The following C12orf42 variants were observed in gnomAD, a reference collection of about 807,000 sequenced individuals.
C12orf42 encodes the protein uncharacterized protein C12orf42.
In C12orf42, 25 loss-of-function variants were observed where a neutral mutation model predicts 21.6. The observed-to-expected ratio is 1.16, with a 90% CI of 0.84 to 1.62. C12orf42 has a LOEUF of 1.62. Ranked by LOEUF, C12orf42 falls within the 40% of genes most tolerant of loss-of-function variation. The pLI is 0.00. For missense variants in C12orf42, 483 were observed against 459.3 expected, an observed-to-expected ratio of 1.05 and a Z score of -0.47; for synonymous variants, 174 against 175.0, an observed-to-expected ratio of 0.99 and a Z score of 0.05.
the C12orf42 span, among the ~76,000 whole-genome samples, chr12:103,545,657 C>A: frequency 6.6e-6 from 1 of 152,172 alleles, no homozygotes; most frequent in Non-Finnish European, 1.5e-5. Context: ...TGTTACCTTG[C>A]TCAGCAATAA....
At chr12:103,502,104 C>G in the C12orf42 span, among the ~76,000 whole-genome samples, 3 of 152,108 alleles carry the variant, frequency 2.0e-5, no homozygotes, top group Non-Finnish European at 4.4e-5. Flanking sequence ...ATCACCTGGA[C>G]CCTATCTTCC....
the C12orf42 span, among the ~76,000 whole-genome samples, chr12:103,214,757 GA>G: frequency 6.6e-6 from 1 of 152,164 alleles, no homozygotes; most frequent in African/African-American, 2.4e-5. Flanking sequence ...AACTTAGCGG[GA>G]TGAGTCTATT....
chr12:103,171,278 T>C, the C12orf42 span, among the ~76,000 whole-genome samples: 1 of 152,138 alleles, frequency 6.6e-6, no homozygotes, highest in Non-Finnish European at 1.5e-5. Context: ...TATATACTTA[T>C]TAGTTGTTTA....
chr12:103,304,702 C>T (rs542169988), intron 5 of C12orf42, among the ~76,000 whole-genome samples: 1 of 152,176 alleles, frequency 6.6e-6, no homozygotes, highest in African/African-American at 2.4e-5. Flanking sequence ...CCAATTTCAA[C>T]ATATTGCCTT....
chr12:103,245,292 A>C (rs2033955550), intron 10 of C12orf42, among the ~76,000 whole-genome samples: 1 of 152,108 alleles, frequency 6.6e-6, no homozygotes, highest in South Asian at 2.1e-4. Flanking sequence ...AAGATTATTA[A>C]GCTCTCTTGG....
chr12:103,509,927 G>T, the C12orf42 span, among the ~76,000 whole-genome samples: 1 of 152,196 alleles, frequency 6.6e-6, no homozygotes, highest in Non-Finnish European at 1.5e-5. Context: ...TAGTACAACT[G>T]CTGTAGAAAA....
the C12orf42 span, among the ~76,000 whole-genome samples, chr12:103,184,865 A>G: frequency 2.6e-5 from 4 of 152,042 alleles, no homozygotes; most frequent in Admixed American, 6.6e-5. Flanking sequence ...CTTTGTAAGG[A>G]GAGATGATTA....
At chr12:103,302,673 G>A in intron 5 of C12orf42, 114 bp from the exon 6 acceptor site, 1 of 796,420 alleles carries the variant, frequency 1.3e-6, no homozygotes, top group Middle Eastern at 3.9e-4. Context: ...TGTGCTCAGA[G>A]GGGAAAGAAA....
intron 4 of C12orf42, among the ~76,000 whole-genome samples, chr12:103,321,404 T>G (rs1001013696): frequency 1.4e-5 from 2 of 145,466 alleles, no homozygotes; most frequent in Non-Finnish European, 3.0e-5. Context: ...GGAACACTTT[T>G]ACACTGTTGG....
At chr12:103,525,895 G>A in the C12orf42 span, among the ~76,000 whole-genome samples, 2 of 152,150 alleles carry the variant, frequency 1.3e-5, no homozygotes, top group Non-Finnish European at 2.9e-5. Context: ...GGGCGTGGTG[G>A]TGGGCACCTG....
At chr12:103,560,651 TC>T in the C12orf42 span, among the ~76,000 whole-genome samples, 1 of 152,196 alleles carries the variant, frequency 6.6e-6, no homozygotes, top group Non-Finnish European at 1.5e-5. Context: ...ACTATCTGTT[TC>T]AGTGGTCAGT....
chr12:103,483,608 G>A (rs937967753), intron 1 of C12orf42, among the ~76,000 whole-genome samples: 1 of 151,532 alleles, frequency 6.6e-6, no homozygotes, highest in Non-Finnish European at 1.5e-5. Context: ...TCAAGCAGCC[G>A]TTTTTTTGCT....
At chr12:103,453,970 C>G (rs1258808199) in intron 2 of C12orf42, among the ~76,000 whole-genome samples, 2 of 152,014 alleles carry the variant, frequency 1.3e-5, no homozygotes, top group East Asian at 1.9e-4. Context: ...TTTTAAACAC[C>G]TGGATAATTG....
chr12:103,184,486 T>C, the C12orf42 span, among the ~76,000 whole-genome samples: 1 of 152,194 alleles, frequency 6.6e-6, no homozygotes, highest in South Asian at 2.1e-4. Flanking sequence ...TCAAACTTCC[T>C]TTTGAAAGCA....
chr12:103,114,927 A>G, the C12orf42 span, among the ~76,000 whole-genome samples: 1 of 152,186 alleles, frequency 6.6e-6, no homozygotes, highest in Non-Finnish European at 1.5e-5. Flanking sequence ...AAGCCATGCA[A>G]AAAAGGCACG....
the C12orf42 span, among the ~76,000 whole-genome samples, chr12:103,536,254 C>G: frequency 6.6e-6 from 1 of 152,104 alleles, no homozygotes; most frequent in Non-Finnish European, 1.5e-5. Flanking sequence ...GGACCATTCT[C>G]TGAGAGAGGA....
At chr12:103,394,700 C>T (rs2047366500) in intron 3 of C12orf42, among the ~76,000 whole-genome samples, 1 of 152,170 alleles carries the variant, frequency 6.6e-6, no homozygotes, top group South Asian at 2.1e-4. Context: ...AAAGCAAGCA[C>T]TGGAGGGGTG....
chr12:103,051,097 G>A, the C12orf42 span, among the ~76,000 whole-genome samples: 1 of 152,162 alleles, frequency 6.6e-6, no homozygotes. Flanking sequence ...AATGATCAGT[G>A]ATGGGATGAG....
At chr12:103,227,741 G>A in the C12orf42 span, among the ~76,000 whole-genome samples, 47,397 of 151,998 alleles carry the variant, frequency 0.31, 8,090 homozygotes, top group Middle Eastern at 0.38. Context: ...TCAGAGAGGC[G>A]TCCCTGCAAT....
Sources: gnomAD v4.1 joint callset for allele counts (sites outside exome capture counted in the v4.1 genomes callset) on GRCh38, gnomAD v4.1.1 for gene constraint, MANE v1.5 for transcripts, NCBI Gene and HGNC (gene_info 2026-07-23, HGNC 2026-07-21) for gene names.